The following SEZ6L variants were observed in gnomAD, a reference collection of about 807,000 sequenced individuals.
The protein encoded by SEZ6L is seizure 6-like protein.
A neutral mutation model predicts 106.2 loss-of-function variants in SEZ6L; 37 were observed. The observed-to-expected ratio is 0.35, with a 90% confidence interval of 0.27 to 0.46. The LOEUF (loss-of-function observed/expected upper bound fraction) is 0.46, where lower values mean the gene tolerates loss of function less well. Among genes scored for constraint, SEZ6L ranks in the 20% least tolerant of loss-of-function variants. The pLI is 1.00. For missense variants in SEZ6L, 1,172 were observed against 1,332.8 expected (o/e 0.88, Z 1.88); for synonymous variants, 541 against 570.4 (o/e 0.95, Z 0.73).
intron 10 of SEZ6L, among the ~76,000 whole-genome samples, chr22:26,341,116 T>A (rs2082820324): frequency 6.6e-6 from 1 of 152,190 alleles, no homozygotes. Flanking sequence ...AGCTCTCCTC[T>A]AAGGCCTCTT....
chr22:26,172,901 T>A (rs1389296972), intron 1 of SEZ6L, among the ~76,000 whole-genome samples: 2 of 152,178 alleles, frequency 1.3e-5, no homozygotes, highest in East Asian at 3.9e-4. Context: ...GAAGCCAAAT[T>A]GCAAAACATC....
chr22:26,364,270 A>T (rs2083731034), intron 12 of SEZ6L, among the ~76,000 whole-genome samples: 1 of 152,112 alleles, frequency 6.6e-6, no homozygotes, highest in Non-Finnish European at 1.5e-5. Flanking sequence ...AAAGGACTAG[A>T]TCTCACATGC....
chr22:26,237,319 G>T (rs2078984299), intron 1 of SEZ6L, among the ~76,000 whole-genome samples: 1 of 152,180 alleles, frequency 6.6e-6, no homozygotes, highest in South Asian at 2.1e-4. Context: ...GCAGGGACCA[G>T]GTCTTTTGCC....
rs137204 is a variant in SEZ6L, at chr22:26,294,441, T to C, written c.969+16T>C. Reference sequence around the variant, plus strand: ...GGAGCTCCAGGTAACCCCAGGAGAGTACCTCACAGAGGCTGCCTCGTCTAG... The same window carrying C: ...GGAGCTCCAGGTAACCCCAGGAGAGCACCTCACAGAGGCTGCCTCGTCTAG... On this transcript the variant is annotated intron_variant, in intron 3 of 16. Transcript: ENST00000248933. 590,029 of 1,609,166 alleles carry C rather than the reference T, an allele frequency of 0.37. 115,458 individuals are homozygous for C. Among genetic ancestry groups the C allele is most frequent in the Non-Finnish European group, 0.41 (477,023 of 1,176,744 alleles).
chr22:26,377,669 C>A lies in SEZ6L; in HGVS notation c.2943-4C>A. On this transcript the variant is annotated splice_region_variant and splice_polypyrimidine_tract_variant and intron_variant, in intron 15 of 16. Coordinates refer to ENST00000248933, the MANE Select transcript of SEZ6L (RefSeq NM_021115.5). ...GTAACTTCTCTCTCCTTTCTTTCCC[C>A]CAGATGTCGCTACTATTCCAACCTC... 6.2e-7 allele frequency: 1 copy of A among 1,609,080 alleles called. No homozygotes were observed. The highest frequency in any genetic ancestry group is 8.5e-7 in the Non-Finnish European group (1 of 1,175,574).
chr22:26,305,349 T>C (rs763040018), intron 5 of SEZ6L, among the ~76,000 whole-genome samples: 88 of 152,196 alleles, frequency 5.8e-4, no homozygotes, highest in Non-Finnish European at 9.8e-4. Flanking sequence ...ATCAAAGTGT[T>C]TGAGCACGTT....
chr22:26,304,385 A>AAAGAAAGAAAGAAAGAAAGAAAG (rs1569454396), intron 5 of SEZ6L, among the ~76,000 whole-genome samples: 5 of 112,282 alleles, frequency 4.5e-5, no homozygotes, highest in African/African-American at 1.8e-4. Flanking sequence ...AGAAAGAAAG[A>AAAGAAAGAAAGAAAGAAAGAAAG]AAGAAAGAAA....
chr22:26,345,346 C>T (rs979348182), intron 10 of SEZ6L, among the ~76,000 whole-genome samples: 1 of 152,198 alleles, frequency 6.6e-6, no homozygotes, highest in African/African-American at 2.4e-5. Flanking sequence ...ATTACAAATG[C>T]AGTGGGTGCC....
intron 1 of SEZ6L, among the ~76,000 whole-genome samples, chr22:26,175,268 T>G (rs1173575733): frequency 6.6e-6 from 1 of 152,216 alleles, no homozygotes; most frequent in East Asian, 1.9e-4. Context: ...CAATTTTATT[T>G]ATAGGCAACT....
chr22:26,354,897 G>A (rs1042534597), intron 12 of SEZ6L, among the ~76,000 whole-genome samples: 4 of 152,196 alleles, frequency 2.6e-5, no homozygotes, highest in Non-Finnish European at 4.4e-5. Flanking sequence ...GGAGACACGC[G>A]GTACTCCCAA....
chr22:26,378,545 T>A (rs902915916), intron 16 of SEZ6L, among the ~76,000 whole-genome samples: 18 of 152,150 alleles, frequency 1.2e-4, no homozygotes, highest in Non-Finnish European at 1.5e-5. Flanking sequence ...TTAAGGACTA[T>A]GAAAAAATTG....
intron 13 of SEZ6L, among the ~76,000 whole-genome samples, chr22:26,369,338 G>GTCCTTTTTTTTTTTTTTTTTTTT (rs2083927308): frequency 1.2e-5 from 1 of 83,618 alleles, no homozygotes; most frequent in African/African-American, 7.3e-5. Context: ...TATATAAGCA[G>GTCCTTTTTTTTTTTTTTTTTTTT]TTCTTTTGTT....
rs544960420 is a variant in SEZ6L at position 26,198,350 on chromosome 22, T to TTGA, written c.94+28589_94+28591dup. On this transcript the variant is annotated intron_variant, in intron 1 of 16. Coordinates refer to ENST00000248933, the MANE Select transcript of SEZ6L (RefSeq NM_021115.5). ...GAAAGTCCATAAAGCTATATAAATG[T>TTGA]TGATTGTCACTGAGATTATCCAAAG... Among the ~76,000 whole-genome samples the TTGA allele has an allele frequency of 2.6e-4, 39 of 152,332 alleles. 1 individual carries two copies. The highest frequency in any genetic ancestry group is 2.5e-3 in the Admixed American group (38 of 15,300).
At chr22:26,348,586 G>GAAAGAGAA (rs1483427654) in intron 11 of SEZ6L, among the ~76,000 whole-genome samples, 89 of 57,852 alleles carry the variant, frequency 1.5e-3, no homozygotes, top group African/African-American at 9.3e-3. Flanking sequence ...AAGAAAGAAA[G>GAAAGAGAA]AGAAAGAAAG....
rs150726100 is a variant in SEZ6L at position 26,211,098 on chromosome 22, C to G, written c.94+41335C>G. 3.9e-4 allele frequency among the ~76,000 whole-genome samples: 60 copies of G among 152,310 alleles called. No homozygotes were observed. In the East Asian group the frequency reaches 0.011, roughly 28 times the overall value. On this transcript the variant is annotated intron_variant, in intron 1 of 16. Transcript: ENST00000248933. ...CAATCCTGCCCTTAAGCTTTGGAAGCCTCAAGCCCTGGTCTTCTCCACAGA... is the reference window on the plus strand; with the variant it reads ...CAATCCTGCCCTTAAGCTTTGGAAGGCTCAAGCCCTGGTCTTCTCCACAGA...
intron 1 of SEZ6L, among the ~76,000 whole-genome samples, chr22:26,232,946 T>C (rs1330192569): frequency 6.6e-6 from 1 of 152,168 alleles, no homozygotes; most frequent in Non-Finnish European, 1.5e-5. Flanking sequence ...GGTTTTAGAA[T>C]CAATGTACAA....
intron 12 of SEZ6L, among the ~76,000 whole-genome samples, chr22:26,363,359 T>C (rs954766747): frequency 2.6e-5 from 4 of 152,212 alleles, no homozygotes; most frequent in Admixed American, 6.5e-5. Flanking sequence ...GGACCAGGGA[T>C]TATATCTGTT....
At chr22:26,262,910 A>G (rs180847314) in intron 1 of SEZ6L, among the ~76,000 whole-genome samples, 1 of 152,294 alleles carries the variant, frequency 6.6e-6, no homozygotes, top group East Asian at 1.9e-4. Flanking sequence ...TTTCTTTTCA[A>G]TTCACAAAAT....
chr22:26,338,847 C>A (rs549859960), intron 9 of SEZ6L, among the ~76,000 whole-genome samples: 1 of 132,750 alleles, frequency 7.5e-6, no homozygotes, highest in East Asian at 2.1e-4. Flanking sequence ...TGAGCCACCA[C>A]GCCCGGACTT....
Sources: allele counts gnomAD v4.1 joint callset (sites outside exome capture counted in the v4.1 genomes callset), GRCh38; gene constraint gnomAD v4.1.1; transcripts MANE v1.5; gene names NCBI Gene and HGNC (gene_info 2026-07-23, HGNC 2026-07-21).